The following MLLT1 variants were observed in gnomAD, a reference collection of about 807,000 sequenced individuals.
MLLT1 encodes protein ENL.
Under a neutral mutation model 55.1 loss-of-function variants are expected in MLLT1, and 11 were observed. The ratio of observed to expected loss-of-function variants is 0.20; its 90% CI spans 0.13 to 0.33. MLLT1 has a LOEUF of 0.33. MLLT1 is among the 10% of genes least tolerant of loss of function. The pLI, the probability that MLLT1 is intolerant of heterozygous loss-of-function variation, is 1.00. For synonymous variants in MLLT1, 323 were observed against 320.1 expected, an observed-to-expected ratio of 1.01 and a Z score of -0.10; for missense variants, 536 against 760.6, an observed-to-expected ratio of 0.70 and a Z score of 3.47.
chr19:6,260,367 G>C (rs2144937099), intron 3 of MLLT1, among the ~76,000 whole-genome samples: 1 of 152,288 alleles, frequency 6.6e-6, no homozygotes, highest in African/African-American at 2.4e-5. Context: ...ACAGCAGGTA[G>C]GGGCACCTGA....
At chr19:6,234,759 C>G (rs73920614) in intron 3 of MLLT1, among the ~76,000 whole-genome samples, 1 of 152,140 alleles carries the variant, frequency 6.6e-6, no homozygotes, top group Non-Finnish European at 1.5e-5. Flanking sequence ...ACACATGGTC[C>G]TGACTCTTCA....
chr19:6,274,239 A>G (rs563946702), intron 1 of MLLT1, among the ~76,000 whole-genome samples: 54 of 152,376 alleles, frequency 3.5e-4, no homozygotes, highest in African/African-American at 1.2e-3. Context: ...GTAGTAAAAA[A>G]GGAATCACAG....
chr19:6,242,833 G>A (rs567758731), intron 3 of MLLT1, among the ~76,000 whole-genome samples: 2 of 152,198 alleles, frequency 1.3e-5, no homozygotes, highest in East Asian at 1.9e-4. Flanking sequence ...GGGGGGCTGC[G>A]AGCCGACACC....
chr19:6,229,734 CCA>C lies in MLLT1; in HGVS notation c.420+834_420+835del, dbSNP rs562693443. ...ACCACACCCCTACATGCCACACATGCCACACACTGTACATGCCACACCCCACA... is the reference window on the plus strand; with the variant it reads ...ACCACACCCCTACATGCCACACATGCCACACTGTACATGCCACACCCCACA... On this transcript the variant is annotated intron_variant, in intron 4 of 11. Coordinates refer to ENST00000252674, the MANE Select transcript of MLLT1 (RefSeq NM_005934.4). The surrounding 1 kb of genome is among the most constrained non-coding windows in gnomAD (Gnocchi z 5.2). Among the ~76,000 whole-genome samples, 17 of 151,740 alleles carry C rather than the reference CCA, an allele frequency of 1.1e-4. No individual in the cohort carries two copies. The East Asian group carries it at 1.7e-3, about 16-fold the overall frequency.
At chr19:6,249,330 G>A (rs1010085190) in intron 3 of MLLT1, among the ~76,000 whole-genome samples, 27 of 152,170 alleles carry the variant, frequency 1.8e-4, no homozygotes, top group African/African-American at 5.8e-4. Flanking sequence ...TGGACAGCCC[G>A]GGGTCTGAGA....
At chr19:6,224,875 G>A (rs998921934) in intron 5 of MLLT1, among the ~76,000 whole-genome samples, 4 of 152,106 alleles carry the variant, frequency 2.6e-5, no homozygotes, top group African/African-American at 7.2e-5. Flanking sequence ...GATTACAGGC[G>A]CCCGCCACCA....
At chr19:6,251,382 T>C (rs1475549524) in intron 3 of MLLT1, among the ~76,000 whole-genome samples, 2 of 152,128 alleles carry the variant, frequency 1.3e-5, no homozygotes, top group Non-Finnish European at 2.9e-5. Flanking sequence ...ATCTGGTTCA[T>C]CCATTTAGTA....
Position 6,270,556 on chromosome 19 carries a change from A to G in MLLT1, c.193+23T>C, listed in dbSNP as rs779669797. 1.9e-6 allele frequency: 3 copies of G among 1,598,354 alleles called. No individual in the cohort carries two copies. The highest frequency in any genetic ancestry group is 2.6e-6 in the Non-Finnish European group (3 of 1,172,458). Reference sequence around the variant, plus strand: ...AGACAGATGGGTCCGTGCTGTGGGCACTCAGGGCTTGAGGCCACTCACCGC... The same window carrying G: ...AGACAGATGGGTCCGTGCTGTGGGCGCTCAGGGCTTGAGGCCACTCACCGC... On this transcript the variant is annotated intron_variant, in intron 2 of 11. Coordinates refer to ENST00000252674, the MANE Select transcript of MLLT1 (RefSeq NM_005934.4). The surrounding 1 kb of genome is among the most constrained non-coding windows in gnomAD (Gnocchi z 7.1).
rs143760520 is a variant in MLLT1 at position 6,225,805 on chromosome 19, C to G, written c.546+1172G>C. 3.7e-3 allele frequency among the ~76,000 whole-genome samples: 561 copies of G among 152,334 alleles called. 2 individuals are homozygous for G. Among genetic ancestry groups the G allele is most frequent in the African/African-American group, 0.013 (527 of 41,582 alleles). On this transcript the variant is annotated intron_variant, in intron 5 of 11. Coordinates refer to ENST00000252674, the MANE Select transcript of MLLT1 (RefSeq NM_005934.4). ...AGGGCACCTCTCCAACCAAGAAGTC[C>G]TTTCTACGCAGGGTTTTAGGTGGCT...
chr19:6,269,731 T>C (rs563153910), intron 2 of MLLT1, among the ~76,000 whole-genome samples: 4 of 152,274 alleles, frequency 2.6e-5, no homozygotes, highest in Admixed American at 1.3e-4. Flanking sequence ...ACCCCCGTAT[T>C]GCAGGGTAGA....
At chr19:6,221,792 G>A (rs1412123587) in intron 6 of MLLT1, among the ~76,000 whole-genome samples, 1 of 152,234 alleles carries the variant, frequency 6.6e-6, no homozygotes, top group Non-Finnish European at 1.5e-5. Context: ...CACCAGAGCG[G>A]CCAAGACCCG....
intron 3 of MLLT1, among the ~76,000 whole-genome samples, chr19:6,253,165 T>C (rs1049511588): frequency 7.0e-6 from 1 of 142,884 alleles, no homozygotes; most frequent in African/African-American, 2.6e-5. Context: ...CTCGGGAGGC[T>C]GAAGCAAGAG....
chr19:6,279,708 C>A (rs865835550), intron 1 of MLLT1, 65 bp downstream of exon 1: 4 of 91,964 alleles, frequency 4.3e-5, no homozygotes, highest in Admixed American at 9.9e-5. Context: ...CGGGGAGGGC[C>A]GGGCGGGCCG....
In MLLT1 at chr19:6,270,434, A is replaced by G. The variant is rs923895193; in HGVS notation, c.193+145T>C. Reference sequence around the variant, plus strand: ...CAACAGCTGGAGGTGACACGGCTCCAGTGCCCCCACGCCGAGGGACGCAAG... The same window carrying G: ...CAACAGCTGGAGGTGACACGGCTCCGGTGCCCCCACGCCGAGGGACGCAAG... On this transcript the variant is annotated intron_variant, in intron 2 of 11. Transcript: ENST00000252674. The surrounding 1 kb of genome is among the most constrained non-coding windows in gnomAD (Gnocchi z 7.1). The G allele has an allele frequency of 3.8e-6, 3 of 789,308 alleles. No individual in the cohort carries two copies. Among genetic ancestry groups the G allele is most frequent in the Non-Finnish European group, 3.9e-6 (2 of 513,890 alleles). The allele number at this position is 789,308 out of a possible 1,614,324, so 48.9% of individuals were successfully genotyped here.
At chr19:6,274,590 C>T (rs2091418594) in intron 1 of MLLT1, among the ~76,000 whole-genome samples, 1 of 152,198 alleles carries the variant, frequency 6.6e-6, no homozygotes, top group Non-Finnish European at 1.5e-5. Flanking sequence ...GGAATGCCTG[C>T]TGCTGGGAGG....
In MLLT1 at chr19:6,231,793, GC is replaced by G. The variant is rs2091013415; in HGVS notation, c.277-1081del. On this transcript the variant is annotated intron_variant, in intron 3 of 11. Coordinates refer to ENST00000252674, the MANE Select transcript of MLLT1 (RefSeq NM_005934.4). This position sits in a 1 kb window ranked among gnomAD's most constrained non-coding sequence, Gnocchi z 5.1. ...TGGGATTACAGGTGTGAGCCACCGC[GC>G]CCAGCTGAAGCAAGACAATTTCATC... 1.3e-5 allele frequency among the ~76,000 whole-genome samples: 2 copies of G among 151,968 alleles called. No homozygotes were observed. Among genetic ancestry groups the G allele is most frequent in the Admixed American group, 1.3e-4 (2 of 15,266 alleles).
At chr19:6,263,664 TG>T (rs2091323502) in intron 2 of MLLT1, among the ~76,000 whole-genome samples, 1 of 152,122 alleles carries the variant, frequency 6.6e-6, no homozygotes, top group African/African-American at 2.4e-5. Context: ...CTCTCCTGCC[TG>T]AGAGCCCACA....
rs900684788 is a variant in MLLT1, at chr19:6,231,956, G to A, written c.277-1243C>T. Among the ~76,000 whole-genome samples the A allele has an allele frequency of 2.6e-5, 4 of 152,164 alleles. No homozygotes were observed. Among genetic ancestry groups the A allele is most frequent in the African/African-American group, 9.6e-5 (4 of 41,458 alleles). On this transcript the variant is annotated intron_variant, in intron 3 of 11. Transcript: ENST00000252674. The surrounding 1 kb of genome is among the most constrained non-coding windows in gnomAD (Gnocchi z 5.1). ...GTTTTCATGGAAACAACGTGCATGGGCCGGGCGCGGTGGCTCACGCCTGTA... is the reference window on the plus strand; with the variant it reads ...GTTTTCATGGAAACAACGTGCATGGACCGGGCGCGGTGGCTCACGCCTGTA...
intron 11 of MLLT1, 77 bp from the exon 12 acceptor site, chr19:6,213,247 G>T (rs2090798793): frequency 1.2e-6 from 2 of 1,606,198 alleles, no homozygotes; most frequent in Non-Finnish European, 8.5e-7. Flanking sequence ...AGAGGTAGGG[G>T]CTCCTGGGGC....
Sources: gnomAD v4.1 joint callset for allele counts (sites outside exome capture counted in the v4.1 genomes callset) on GRCh38, gnomAD v4.1.1 for gene constraint, Gnocchi (gnomAD v3.1) non-coding constraint, MANE v1.5 for transcripts, NCBI Gene and HGNC (gene_info 2026-07-23, HGNC 2026-07-21) for gene names.